The following PPFIBP1 variants were observed in gnomAD, a reference collection of about 807,000 sequenced individuals.
PPFIBP1 encodes the protein liprin-beta-1.
A neutral mutation model predicts 137.8 loss-of-function variants in PPFIBP1; 112 were observed. The observed-to-expected ratio is 0.81, with a 90% CI of 0.70 to 0.95. PPFIBP1 has a LOEUF of 0.95. Ranked by LOEUF, PPFIBP1 falls within the 40% of genes least tolerant of loss-of-function variation. The probability of loss-of-function intolerance (pLI) is 0.00; values close to 1 mark genes in which losing one functional copy is unlikely to be tolerated. For missense variants in PPFIBP1, 1,083 were observed against 1,196.6 expected (o/e 0.91, Z 1.40); for synonymous variants, 378 against 417.3 (o/e 0.91, Z 1.15).
intron 4 of PPFIBP1, among the ~76,000 whole-genome samples, chr12:27,638,554 C>T (rs1445355300): frequency 6.6e-6 from 1 of 152,148 alleles, no homozygotes; most frequent in East Asian, 1.9e-4. Context: ...ATTGTAAGGA[C>T]CCTGTGAACT....
chr12:27,596,913 C>G (rs1038270698), intron 2 of PPFIBP1, among the ~76,000 whole-genome samples: 25 of 152,204 alleles, frequency 1.6e-4, no homozygotes, highest in Admixed American at 6.5e-5. Flanking sequence ...CATAGGTAGT[C>G]TGGCTTCAGA....
At chr12:27,595,886 A>AAAATAT (rs2053201584) in intron 2 of PPFIBP1, among the ~76,000 whole-genome samples, 23 of 102,438 alleles carry the variant, frequency 2.2e-4, no homozygotes, top group African/African-American at 6.1e-4. Flanking sequence ...ACAACAACAA[A>AAAATAT]ATATATATAT....
At chr12:27,597,423 G>A (rs1225409719) in intron 2 of PPFIBP1, among the ~76,000 whole-genome samples, 1 of 152,004 alleles carries the variant, frequency 6.6e-6, no homozygotes, top group Non-Finnish European at 1.5e-5. Flanking sequence ...CAAAGTGTTG[G>A]GATTACAGGC....
chr12:27,649,426 T>C (rs2058739313), intron 6 of PPFIBP1, among the ~76,000 whole-genome samples: 1 of 152,228 alleles, frequency 6.6e-6, no homozygotes, highest in Admixed American at 6.5e-5. Context: ...AATGTTATCA[T>C]CAGACTGAAG....
At chr12:27,581,258 G>A (rs1427107450) in intron 2 of PPFIBP1, among the ~76,000 whole-genome samples, 1 of 152,158 alleles carries the variant, frequency 6.6e-6, no homozygotes, top group Non-Finnish European at 1.5e-5. Flanking sequence ...GCCTAAGAGT[G>A]TAAGCAACAC....
intron 2 of PPFIBP1, among the ~76,000 whole-genome samples, chr12:27,629,818 A>C (rs2057135407): frequency 6.6e-6 from 1 of 152,148 alleles, no homozygotes; most frequent in African/African-American, 2.4e-5. Flanking sequence ...AATAGCTCAA[A>C]CCATGGGCAA....
intron 4 of PPFIBP1, chr12:27,635,344 A>G (rs2057581245): frequency 1.7e-6 from 1 of 599,048 alleles, no homozygotes; most frequent in South Asian, 2.1e-5. Context: ...TTCTGCCCAT[A>G]AAAACAGACT....
intron 8 of PPFIBP1, chr12:27,655,025 A>T (rs1164225244): frequency 9.6e-7 from 1 of 1,045,012 alleles, no homozygotes; most frequent in African/African-American, 1.6e-5. Context: ...ACAGAACATA[A>T]CCTGCCCTTT....
chr12:27,588,200 G>A (rs1256963165), intron 2 of PPFIBP1, among the ~76,000 whole-genome samples: 1 of 152,202 alleles, frequency 6.6e-6, no homozygotes, highest in African/African-American at 2.4e-5. Flanking sequence ...GGCTAAGTTG[G>A]TGTTGACCAG....
chr12:27,545,766 T>C (rs868344639), intron 1 of PPFIBP1, among the ~76,000 whole-genome samples: 1 of 152,328 alleles, frequency 6.6e-6, no homozygotes, highest in Middle Eastern at 3.4e-3. Context: ...ACCCGTGGAC[T>C]AGGGACAGAA....
At chr12:27,561,059 C>T (rs2049119588) in intron 1 of PPFIBP1, among the ~76,000 whole-genome samples, 1 of 152,096 alleles carries the variant, frequency 6.6e-6, no homozygotes, top group South Asian at 2.1e-4. Flanking sequence ...GTGTAAGAAG[C>T]TTGCCAACTG....
At chr12:27,566,462 AAACTC>A (rs1457533766) in intron 1 of PPFIBP1, among the ~76,000 whole-genome samples, 1 of 152,136 alleles carries the variant, frequency 6.6e-6, no homozygotes, top group Non-Finnish European at 1.5e-5. Context: ...AAATTGGTAA[AAACTC>A]AAGTGAATCA....
intron 10 of PPFIBP1, among the ~76,000 whole-genome samples, chr12:27,659,228 T>G (rs1184848523): frequency 6.6e-6 from 1 of 152,232 alleles, no homozygotes; most frequent in Non-Finnish European, 1.5e-5. Flanking sequence ...AATTTGCTTT[T>G]GCTTTTCAAT....
At chr12:27,542,736 G>A (rs1945803154) in intron 1 of PPFIBP1, among the ~76,000 whole-genome samples, 1 of 152,046 alleles carries the variant, frequency 6.6e-6, no homozygotes. Flanking sequence ...CTTTTCTGTT[G>A]TGGATAAGTC....
rs1410485063 is a variant in PPFIBP1, at chr12:27,688,274, G to A, written c.2371-24G>A. On this transcript the variant is annotated intron_variant, in intron 25 of 29. Transcript: ENST00000228425. ...ACAGAAAATGCAATTTAATATTTAGGATCCTGGTTGTGTGTTCCCATAGAA... is the reference window on the plus strand; with the variant it reads ...ACAGAAAATGCAATTTAATATTTAGAATCCTGGTTGTGTGTTCCCATAGAA... 3.7e-6 allele frequency: 6 copies of A among 1,610,034 alleles called. 1 individual carries two copies. The South Asian group carries it at 6.6e-5, about 18-fold the overall frequency.
At chr12:27,566,060 A>T (rs914181101) in intron 1 of PPFIBP1, among the ~76,000 whole-genome samples, 4 of 151,546 alleles carry the variant, frequency 2.6e-5, no homozygotes, top group African/African-American at 4.9e-5. Context: ...GGATCATGAA[A>T]TTTTTTTTTC....
chr12:27,687,346 G>T, intron 24 of PPFIBP1, 39 bp from the exon 25 acceptor site: 4 of 1,607,980 alleles, frequency 2.5e-6, no homozygotes, highest in Non-Finnish European at 3.4e-6. Context: ...CCTGCTACAG[G>T]CCAGCACAGT....
At chr12:27,526,865 G>A (rs190693247) in intron 1 of PPFIBP1, among the ~76,000 whole-genome samples, 2 of 152,080 alleles carry the variant, frequency 1.3e-5, no homozygotes, top group Admixed American at 6.5e-5. Flanking sequence ...AAAAATTAAG[G>A]TCATCTGGCC....
At chr12:27,599,385 A>G (rs2053703674) in intron 2 of PPFIBP1, 2 of 449,690 alleles carry the variant, frequency 4.4e-6, no homozygotes, top group Admixed American at 4.8e-5. Flanking sequence ...CTGCTTATCA[A>G]GCCTTCAGAC....
Sources: gnomAD v4.1 joint callset for allele counts (sites outside exome capture counted in the v4.1 genomes callset) on GRCh38, gnomAD v4.1.1 for gene constraint, MANE v1.5 for transcripts, NCBI Gene and HGNC (gene_info 2026-07-23, HGNC 2026-07-21) for gene names.